ZNF410: variants seen among roughly 807,000 people sequenced by gnomAD.
ZNF410 encodes the protein another partner for ARF 1.
ZNF410 carries 18 observed loss-of-function variants against 54.8 expected under a neutral mutation model. That is an observed-to-expected ratio of 0.33 (90% CI 0.23 to 0.49). The LOEUF is 0.49. Ranked by LOEUF, ZNF410 falls within the 20% of genes least tolerant of loss-of-function variation. ZNF410 has a pLI of 0.99. For synonymous variants in ZNF410, 191 were observed against 207.3 expected (o/e 0.92, Z 0.68); for missense variants, 405 against 569.6 (o/e 0.71, Z 2.94).
intron 8 of ZNF410, chr14:73,916,888 T>A (rs2055675845): frequency 6.6e-6 from 1 of 151,984 alleles, no homozygotes. Context: ...GGCTGAGGCA[T>A]GAGGATCTCT....
intron 4 of ZNF410, among the ~76,000 whole-genome samples, chr14:73,897,261 T>G (rs939043447): frequency 6.6e-6 from 1 of 152,020 alleles, no homozygotes; most frequent in Non-Finnish European, 1.5e-5. Context: ...GGTAAGACAA[T>G]AGATACACAA....
chr14:73,924,824 G>A (rs1014069998), intron 11 of ZNF410: 13 of 345,108 alleles, frequency 3.8e-5, no homozygotes, highest in Non-Finnish European at 5.6e-5. Context: ...CTACAGGTGC[G>A]TGCCACCACG....
chr14:73,896,054 C>G (rs947193085), intron 3 of ZNF410: 2 of 447,764 alleles, frequency 4.5e-6, no homozygotes, highest in Admixed American at 7.8e-5. Flanking sequence ...CTGTGATGTC[C>G]AAATGTTGAA....
intron 11 of ZNF410, among the ~76,000 whole-genome samples, chr14:73,930,988 G>A (rs2055903732): frequency 1.3e-5 from 2 of 152,196 alleles, no homozygotes; most frequent in African/African-American, 4.8e-5. Flanking sequence ...TAGAATGTTA[G>A]TGGTAGTTGC....
chr14:73,903,749 C>G, intron 5 of ZNF410: 1 of 591,354 alleles, frequency 1.7e-6, no homozygotes, highest in Non-Finnish European at 2.9e-6. Context: ...AGTCCTCCCA[C>G]CTTGGCTTCC....
chr14:73,905,310 C>T, intron 7 of ZNF410: 1 of 425,546 alleles, frequency 2.3e-6, no homozygotes, highest in Non-Finnish European at 4.1e-6. Context: ...TTTTCAGGAG[C>T]CTAACCTGCA....
chr14:73,931,519 A>C lies in ZNF410; in HGVS notation c.1415A>C (p.Asp472Ala). The C allele has an allele frequency of 6.2e-7, 1 of 1,606,086 alleles. No individual in the cohort carries two copies. Among genetic ancestry groups the C allele is most frequent in the Non-Finnish European group, 8.5e-7 (1 of 1,178,194 alleles). Reference protein sequence around the residue: ...VNPQELLNQGDLTERRT With the variant: ...VNPQELLNQGALTERRT ...CTTTTACAGTTACTAAACCAAGGAG[A>C]TTTAACTGAAAGACGGACATGAGCG... Residue 472 changes from aspartate to alanine, a missense_variant, in exon 12 of 12, where the codon GAT (aspartate) becomes GCT (alanine). Asp to Ala is a moderately radical substitution (Grantham distance 126, BLOSUM62 -2). This residue lies in a region of ZNF410 where 127 missense variants were observed against 141.3 expected (regional missense o/e 0.90). Transcript: ENST00000555044.
At chr14:73,910,753 CAAAA>C (rs755623044) in intron 8 of ZNF410, among the ~76,000 whole-genome samples, 7 of 70,824 alleles carry the variant, frequency 9.9e-5, no homozygotes, top group East Asian at 4.1e-4. Context: ...AACTCCGTCT[CAAAA>C]AAAAAAAAAA....
At position 73,905,968 on chromosome 14, in the gene ZNF410, CATATAT is replaced by C. The variant is rs375039083; in HGVS notation, c.913+907_913+912del. 5.7e-3 allele frequency among the ~76,000 whole-genome samples: 448 copies of C among 78,916 alleles called. 6 individuals carry two copies. The highest frequency in any genetic ancestry group is 0.015 in the African/African-American group (360 of 23,806). 51.8% of individuals were successfully genotyped at this position (78,916 alleles called of 152,430 possible). On this transcript the variant is annotated intron_variant, in intron 7 of 11. Transcript: ENST00000555044. ...ATACACACACACACACACACACACACATATATATATATATATATATATATATACACA... is the reference window on the plus strand; with the variant it reads ...ATACACACACACACACACACACACACATATATATATATATATATATACACA...
At chr14:73,929,551 A>G (rs2055881123) in intron 11 of ZNF410, among the ~76,000 whole-genome samples, 1 of 152,166 alleles carries the variant, frequency 6.6e-6, no homozygotes, top group Non-Finnish European at 1.5e-5. Context: ...CAAATCTGTT[A>G]TCAGAAATTT....
intron 11 of ZNF410, among the ~76,000 whole-genome samples, chr14:73,928,792 T>A (rs571290530): frequency 5.3e-5 from 8 of 152,106 alleles, no homozygotes; most frequent in African/African-American, 1.4e-4. Flanking sequence ...AAAAGTTTTT[T>A]AAAAAATTAT....
At chr14:73,917,890 C>G (rs905829316) in intron 8 of ZNF410, among the ~76,000 whole-genome samples, 2 of 152,182 alleles carry the variant, frequency 1.3e-5, no homozygotes, top group African/African-American at 4.8e-5. Context: ...CCCTTGTTAT[C>G]TGTGGTGTAT....
intron 8 of ZNF410, among the ~76,000 whole-genome samples, chr14:73,917,510 A>G (rs1319901220): frequency 6.6e-6 from 1 of 152,154 alleles, no homozygotes; most frequent in African/African-American, 2.4e-5. Context: ...TTCACATACC[A>G]TAAGATTCAT....
chr14:73,896,310 T>C lies in ZNF410; in HGVS notation c.170-6T>C, dbSNP rs915991955. The C allele has an allele frequency of 1.9e-6, 3 of 1,612,516 alleles. No homozygotes were observed. The African/African-American group carries it at 4.0e-5, about 22-fold the overall frequency. On this transcript the variant is annotated splice_polypyrimidine_tract_variant and splice_region_variant and intron_variant, in intron 3 of 11. Coordinates refer to ENST00000555044, the MANE Select transcript of ZNF410 (RefSeq NM_021188.3). Reference sequence around the variant, plus strand: ...ACATAAAGCTGTGGTATTTTCCCTTTACTAGATGATACTACAAATCATTCT... The same window carrying C: ...ACATAAAGCTGTGGTATTTTCCCTTCACTAGATGATACTACAAATCATTCT...
chr14:73,925,161 G>A (rs1001305018), intron 11 of ZNF410, among the ~76,000 whole-genome samples: 2 of 151,312 alleles, frequency 1.3e-5, no homozygotes, highest in Non-Finnish European at 2.9e-5. Flanking sequence ...GTGACCCATT[G>A]TCTTTGCTTA....
At chr14:73,895,397 C>T (rs1378021890) in intron 3 of ZNF410, 2 of 152,078 alleles carry the variant, frequency 1.3e-5, no homozygotes, top group Non-Finnish European at 2.9e-5. Flanking sequence ...CTATATGACC[C>T]AGCAATCTCA....
chr14:73,897,908 GTTGCAGTAAGCCGAGA>G (rs2055345883), intron 4 of ZNF410, among the ~76,000 whole-genome samples, 147 bp from the exon 5 acceptor site: 1 of 145,672 alleles, frequency 6.9e-6, no homozygotes, highest in Non-Finnish European at 1.5e-5. Flanking sequence ...GGAAGCGGAG[GTTGCAGTAAGCCGAGA>G]TTGCGCCACT....
At position 73,889,398 on chromosome 14, in the gene ZNF410, C is replaced by G. The variant is rs374440435; in HGVS notation, c.-150+2483C>G. Among the ~76,000 whole-genome samples, 23 of 145,382 alleles carry G rather than the reference C, an allele frequency of 1.6e-4. No homozygotes were observed. In the East Asian group the frequency reaches 2.5e-3, roughly 16 times the overall value. On this transcript the variant is annotated intron_variant, in intron 1 of 11. Coordinates refer to ENST00000555044, the MANE Select transcript of ZNF410 (RefSeq NM_021188.3). Reference sequence around the variant, plus strand: ...CACTGGCTGAGATCGCGCCACTGCACTCCAGCCTGCGTGACAGAGCGAGAC... The same window carrying G: ...CACTGGCTGAGATCGCGCCACTGCAGTCCAGCCTGCGTGACAGAGCGAGAC...
chr14:73,888,722 A>G (rs555982740), intron 1 of ZNF410, among the ~76,000 whole-genome samples: 1 of 152,304 alleles, frequency 6.6e-6, no homozygotes, highest in South Asian at 2.1e-4. Flanking sequence ...TTAATTGTGT[A>G]TTTGCCGTTA....
Sources: allele counts gnomAD v4.1 joint callset (sites outside exome capture counted in the v4.1 genomes callset), GRCh38; gene constraint gnomAD v4.1.1; regional missense constraint gnomAD v4.1.1; transcripts MANE v1.5; gene names NCBI Gene and HGNC (gene_info 2026-07-23, HGNC 2026-07-21).